DAB2IP: variants seen among roughly 807,000 people sequenced by gnomAD.
DAB2IP encodes disabled homolog 2-interacting protein.
DAB2IP carries 28 observed loss-of-function variants against 107.2 expected under a neutral mutation model. The observed-to-expected ratio is 0.26, with a 90% CI of 0.19 to 0.36. The LOEUF is 0.36. Ranked by LOEUF, DAB2IP falls within the 10% of genes least tolerant of loss-of-function variation. The probability of loss-of-function intolerance (pLI) is 1.00; values close to 1 mark genes in which losing one functional copy is unlikely to be tolerated. For synonymous variants in DAB2IP, 755 were observed against 706.4 expected (o/e 1.07, Z -1.09); for missense variants, 1,400 against 1,644.7 (o/e 0.85, Z 2.57).
At chr9:121,591,969 G>A (rs975067913) in intron 1 of DAB2IP, among the ~76,000 whole-genome samples, 3 of 152,250 alleles carry the variant, frequency 2.0e-5, no homozygotes, top group Middle Eastern at 3.4e-3. Context: ...GTTTCTGTGG[G>A]GTTAAGTATT....
chr9:121,641,890 TCC>T (rs1491523287), intron 1 of DAB2IP, among the ~76,000 whole-genome samples: 3 of 94,108 alleles, frequency 3.2e-5, no homozygotes, highest in Admixed American at 1.1e-4. Flanking sequence ...TCCATTTCTT[TCC>T]CTTTCTTTCT....
In DAB2IP at chr9:121,775,156, A is replaced by C. The variant is rs1012602648; in HGVS notation, c.3120+744A>C. Among the ~76,000 whole-genome samples, 28 of 152,140 alleles carry C rather than the reference A, an allele frequency of 1.8e-4. 1 individual carries two copies. Among genetic ancestry groups the C allele is most frequent in the Non-Finnish European group, 2.9e-5 (2 of 68,028 alleles). The stretch of plus-strand genomic sequence containing the variant: ...CTACTGCCAGCTGCAGTCCATGTAG[A>C]CGGAGGAACCAGCGCAGGCCCCAGA... On this transcript the variant is annotated intron_variant, in intron 13 of 15. Transcript: ENST00000408936.
chr9:121,627,901 T>C (rs1450936130), intron 1 of DAB2IP, among the ~76,000 whole-genome samples: 1 of 152,258 alleles, frequency 6.6e-6, no homozygotes, highest in Non-Finnish European at 1.5e-5. Flanking sequence ...TTCTATCTGC[T>C]GCGTAGAACT....
chr9:121,766,617 A>G (rs775726746), exon 9 of DAB2IP: 1 of 1,614,110 alleles, frequency 6.2e-7, no homozygotes, highest in African/African-American at 1.3e-5. Context: ...TCCTCTGCCC[A>G]GCCATCATGT....
intron 13 of DAB2IP, among the ~76,000 whole-genome samples, 179 bp downstream of exon 13, chr9:121,774,591 C>G (rs1037142602): frequency 6.6e-6 from 1 of 152,170 alleles, no homozygotes; most frequent in Non-Finnish European, 1.5e-5. Context: ...AGAAAAGCAA[C>G]AAGAGGGATG....
At chr9:121,748,545 G>A (rs1589634022) in intron 3 of DAB2IP, among the ~76,000 whole-genome samples, 2 of 152,330 alleles carry the variant, frequency 1.3e-5, no homozygotes, top group East Asian at 3.9e-4. Context: ...GCCAGGGCTT[G>A]TGGGACCTGA....
intron 1 of DAB2IP, among the ~76,000 whole-genome samples, chr9:121,663,270 G>A: frequency 6.6e-6 from 1 of 152,184 alleles, no homozygotes. Flanking sequence ...TATTAACGCG[G>A]CCAACCAGAG....
chr9:121,596,833 T>A (rs1036234318), intron 1 of DAB2IP, among the ~76,000 whole-genome samples: 4 of 152,202 alleles, frequency 2.6e-5, no homozygotes, highest in Non-Finnish European at 5.9e-5. Context: ...AGAGTGGCTC[T>A]ACCCATTTCC....
At chr9:121,640,880 A>C (rs1162692517) in intron 1 of DAB2IP, among the ~76,000 whole-genome samples, 1 of 152,134 alleles carries the variant, frequency 6.6e-6, no homozygotes, top group Non-Finnish European at 1.5e-5. Context: ...ATACTTTCTC[A>C]GGGCAATGGG....
intron 1 of DAB2IP, among the ~76,000 whole-genome samples, chr9:121,657,803 A>C (rs1051171421): frequency 6.6e-6 from 1 of 152,202 alleles, no homozygotes; most frequent in African/African-American, 2.4e-5. Context: ...CTGGGGGTAC[A>C]GGGAGGGGCT....
At chr9:121,784,001 G>C (rs1294027659) in exon 16 of DAB2IP, 1 of 214,838 alleles carries the variant, frequency 4.7e-6, no homozygotes, top group African/African-American at 2.2e-5. Context: ...GCTGGAATGT[G>C]CCACAGAGGC....
upstream of DAB2IP, among the ~76,000 whole-genome samples, chr9:121,649,682 A>G (rs1170249440): frequency 6.6e-6 from 1 of 152,190 alleles, no homozygotes; most frequent in Non-Finnish European, 1.5e-5. Flanking sequence ...TGGAAGTGCC[A>G]AGATGTGGAC....
chr9:121,574,203 C>T (rs1359865217), intron 1 of DAB2IP, among the ~76,000 whole-genome samples: 5 of 152,154 alleles, frequency 3.3e-5, no homozygotes, highest in South Asian at 2.1e-4. Context: ...TCCCATCCAT[C>T]GTCTCGCTTC....
chr9:121,744,996 G>A (rs79110587), intron 3 of DAB2IP, among the ~76,000 whole-genome samples: 10,645 of 152,272 alleles, frequency 0.07, 877 homozygotes, highest in African/African-American at 0.2. Context: ...CGTAGCTTGG[G>A]AAGCTGGATT....
intron 3 of DAB2IP, among the ~76,000 whole-genome samples, chr9:121,718,306 G>A (rs1830718989): frequency 6.6e-6 from 1 of 152,202 alleles, no homozygotes; most frequent in East Asian, 1.9e-4. Context: ...CAGGCAGATG[G>A]TGCAAGGGAG....
At chr9:121,592,581 G>GCCCTGTCT (rs1830439190) in intron 1 of DAB2IP, among the ~76,000 whole-genome samples, 1 of 152,194 alleles carries the variant, frequency 6.6e-6, no homozygotes. Flanking sequence ...TTCTTTTCCA[G>GCCCTGTCT]TGACCATATA....
At chr9:121,591,962 T>C (rs1246476918) in intron 1 of DAB2IP, among the ~76,000 whole-genome samples, 2 of 152,070 alleles carry the variant, frequency 1.3e-5, no homozygotes, top group African/African-American at 4.8e-5. Flanking sequence ...AACAGAAGTT[T>C]CTGTGGGGTT....
intron 1 of DAB2IP, among the ~76,000 whole-genome samples, chr9:121,585,564 T>G (rs1343727494): frequency 6.6e-6 from 1 of 151,960 alleles, no homozygotes; most frequent in Non-Finnish European, 1.5e-5. Flanking sequence ...AATAAAAGAG[T>G]GCACAAGATT....
chr9:121,747,316 C>T (rs1026567042), intron 3 of DAB2IP, among the ~76,000 whole-genome samples: 1 of 151,792 alleles, frequency 6.6e-6, no homozygotes, highest in Admixed American at 6.5e-5. Flanking sequence ...CCACCACTCA[C>T]CCTCGTCAAT....
Sources: gnomAD v4.1 joint callset for allele counts (sites outside exome capture counted in the v4.1 genomes callset) on GRCh38, gnomAD v4.1.1 for gene constraint, MANE v1.5 for transcripts, NCBI Gene and HGNC (gene_info 2026-07-23, HGNC 2026-07-21) for gene names.